Variants in PTPN4 observed in about 807,000 individuals in gnomAD.
PTPN4 encodes protein tyrosine phosphatase non-receptor type 4, also known as tyrosine-protein phosphatase non-receptor type 4.
Under a neutral mutation model 135.5 loss-of-function variants are expected in PTPN4, and 49 were observed. The ratio of observed to expected loss-of-function variants is 0.36; its 90% CI spans 0.29 to 0.46. The LOEUF is 0.46. Ranked by LOEUF, PTPN4 falls within the 20% of genes least tolerant of loss-of-function variation. The pLI, the probability that PTPN4 is intolerant of heterozygous loss-of-function variation, is 1.00. For synonymous variants in PTPN4, 333 were observed against 369.9 expected (o/e 0.90, Z 1.14); for missense variants, 860 against 1,101.0 (o/e 0.78, Z 3.10).
At chr2:119,913,560 C>T (rs897151860) in intron 10 of PTPN4, among the ~76,000 whole-genome samples, 1 of 152,108 alleles carries the variant, frequency 6.6e-6, no homozygotes, top group African/African-American at 2.4e-5. Context: ...GAGGCTGAGG[C>T]AGGAGGATCA....
chr2:119,877,324 G>C lies in PTPN4; in HGVS notation c.248G>C (p.Arg83Thr). 1 of 1,609,970 alleles carries C rather than the reference G, an allele frequency of 6.2e-7. No homozygotes were observed. The highest frequency in any genetic ancestry group is 8.5e-7 in the Non-Finnish European group (1 of 1,178,820). The change falls in exon 4 of 27, where the codon AGG (arginine) becomes ACG (threonine). Residue 83 changes from arginine to threonine, a missense_variant and splice_region_variant. Transcript: ENST00000263708. ...CAGTTTTATTTATTTATTTTTCAGA[G>C]GTGGCTGGATCCAAACAAACCAATA... is the stretch of plus-strand genomic sequence containing the variant. ...QLADDSTDNP[R>T]WLDPNKPIRK...
At chr2:119,882,467 T>C in intron 7 of PTPN4, 36 bp from the exon 8 acceptor site, 2 of 1,456,722 alleles carry the variant, frequency 1.4e-6, no homozygotes, top group Middle Eastern at 1.7e-4. Context: ...TAAAAATTTG[T>C]TTATTAAAAT....
At chr2:119,959,525 C>T (rs529665669) in intron 22 of PTPN4, among the ~76,000 whole-genome samples, 3 of 152,318 alleles carry the variant, frequency 2.0e-5, no homozygotes, top group African/African-American at 4.8e-5. Flanking sequence ...AGGATAGCTT[C>T]AGCCCAGGAG....
chr2:119,848,098 G>A (rs1481381441), intron 2 of PTPN4, among the ~76,000 whole-genome samples: 1 of 150,772 alleles, frequency 6.6e-6, no homozygotes, highest in Non-Finnish European at 1.5e-5. Context: ...TGAGCTTTTT[G>A]CATGAGTAGA....
chr2:119,834,292 T>A (rs944748454), intron 2 of PTPN4, among the ~76,000 whole-genome samples: 2 of 152,014 alleles, frequency 1.3e-5, no homozygotes, highest in African/African-American at 4.8e-5. Context: ...TCTCATCACC[T>A]CTCCCCAAAA....
chr2:119,842,623 G>A (rs975805761), intron 2 of PTPN4, among the ~76,000 whole-genome samples: 1 of 152,132 alleles, frequency 6.6e-6, no homozygotes, highest in Non-Finnish European at 1.5e-5. Context: ...GACGTGTAGA[G>A]TAGGGTTTTG....
chr2:119,869,347 A>G (rs1677876938), intron 3 of PTPN4, among the ~76,000 whole-genome samples: 1 of 152,218 alleles, frequency 6.6e-6, no homozygotes, highest in African/African-American at 2.4e-5. Context: ...TTTAAACTGC[A>G]TATTGCAAAT....
chr2:119,862,730 T>G, intron 3 of PTPN4, 87 bp downstream of exon 3: 1 of 1,058,382 alleles, frequency 9.4e-7, no homozygotes, highest in African/African-American at 1.6e-5. Flanking sequence ...CAGTGTTCAC[T>G]GATTTGATGA....
rs1679645993 is a variant in PTPN4, at chr2:119,978,265, A to G, written c.*1195A>G. ...GCTAAAGTTAGAGCAAATAATTGTGATTTATTCATGTCCATAACTAAAATA... is the reference window on the plus strand; with the variant it reads ...GCTAAAGTTAGAGCAAATAATTGTGGTTTATTCATGTCCATAACTAAAATA... On this transcript the variant is annotated 3_prime_UTR_variant, in exon 27 of 27. Transcript: ENST00000263708. 6.6e-6 allele frequency: 1 copy of G among 152,192 alleles called. No homozygotes were observed. The highest frequency in any genetic ancestry group is 1.5e-5 in the Non-Finnish European group (1 of 68,022). 9.4% of individuals were successfully genotyped at this position (152,192 alleles called of 1,614,324 possible). A position where few individuals can be genotyped will look rare whatever the true frequency, so the allele number is the denominator to read the frequency against.
At position 119,978,852 on chromosome 2, in the gene PTPN4, A is replaced by AATAACT. The variant is rs1179506291; in HGVS notation, c.*1782_*1783insATAACT. 1.3e-5 allele frequency: 2 copies of AATAACT among 152,086 alleles called. No homozygotes were observed. Among genetic ancestry groups the AATAACT allele is most frequent in the African/African-American group, 4.8e-5 (2 of 41,446 alleles). 9.4% of individuals were successfully genotyped at this position (152,086 alleles called of 1,614,324 possible). ...TATAATCTAAACGATGTCATTTCAG[A>AATAACT]CATTCAAAACTCATAATAATAAATT... On this transcript the variant is annotated 3_prime_UTR_variant, in exon 27 of 27. Coordinates refer to ENST00000263708, the MANE Select transcript of PTPN4 (RefSeq NM_002830.4).
chr2:119,960,055 ATATGTT>A (rs1482771098), intron 22 of PTPN4, among the ~76,000 whole-genome samples: 2 of 152,152 alleles, frequency 1.3e-5, no homozygotes, highest in Non-Finnish European at 2.9e-5. Flanking sequence ...GAAGTTGCAT[ATATGTT>A]TATATGTTGT....
intron 9 of PTPN4, among the ~76,000 whole-genome samples, chr2:119,890,509 A>G (rs2105008323): frequency 6.6e-6 from 1 of 152,260 alleles, no homozygotes; most frequent in East Asian, 1.9e-4. Flanking sequence ...ATCTATTTAC[A>G]TTCAAAGTTA....
rs375180881 is a variant in PTPN4, at chr2:119,965,649, C to T, written c.2558+4C>T. 1.8e-5 allele frequency: 29 copies of T among 1,611,028 alleles called. No homozygotes were observed. The African/African-American group carries it at 3.7e-4, about 21-fold the overall frequency. On this transcript the variant is annotated splice_donor_region_variant and intron_variant, in intron 25 of 26. Coordinates refer to ENST00000263708, the MANE Select transcript of PTPN4 (RefSeq NM_002830.4). The stretch of plus-strand genomic sequence containing the variant: ...AACCCGTTGTTGTCCATTGCAGGTA[C>T]TCTGTTTTCCGTCTTTTATGAGTGT...
At chr2:119,862,707 C>T (rs1037801076) in intron 3 of PTPN4, 64 bp downstream of exon 3, 2 of 1,351,198 alleles carry the variant, frequency 1.5e-6, no homozygotes, top group Non-Finnish European at 2.1e-6. Flanking sequence ...TGTAGAAAGT[C>T]CTTTCTGATT....
At chr2:119,894,091 C>CT (rs529591432) in intron 9 of PTPN4, among the ~76,000 whole-genome samples, 176 of 152,294 alleles carry the variant, frequency 1.2e-3, no homozygotes, top group African/African-American at 4.0e-3. Flanking sequence ...ATTATCTCCA[C>CT]TTTACAGATG....
chr2:119,843,223 T>TC (rs1262420087), intron 2 of PTPN4, among the ~76,000 whole-genome samples: 5 of 144,908 alleles, frequency 3.5e-5, no homozygotes, highest in African/African-American at 1.3e-4. Context: ...TTTTTCTTTT[T>TC]TTTTTTTTTT....
At position 119,802,975 on chromosome 2, in the gene PTPN4, C is replaced by G. The variant is rs1234435350; in HGVS notation, c.-17-6862C>G. Among the ~76,000 whole-genome samples, 8 of 152,050 alleles carry G rather than the reference C, an allele frequency of 5.3e-5. No homozygotes were observed. In the East Asian group the frequency reaches 1.5e-3, roughly 29 times the overall value. ...TTCATGGAATTGGTTCTTTTTATGT[C>G]AAATTGATGTATAAGTTGTTTGTAG... On this transcript the variant is annotated intron_variant, in intron 1 of 26. Transcript: ENST00000263708.
chr2:119,919,823 C>CAAA (rs768606079), intron 11 of PTPN4, among the ~76,000 whole-genome samples: 22 of 64,676 alleles, frequency 3.4e-4, no homozygotes, highest in African/African-American at 4.3e-4. Flanking sequence ...GACTGTGTCT[C>CAAA]AAAAAAAAAA....
chr2:119,973,328 A>G (rs916034481), intron 26 of PTPN4, among the ~76,000 whole-genome samples: 12 of 152,170 alleles, frequency 7.9e-5, no homozygotes, highest in Admixed American at 7.2e-4. Flanking sequence ...TTGTAGCGTA[A>G]GTCAGAATTT....
Sources: allele counts gnomAD v4.1 joint callset (sites outside exome capture counted in the v4.1 genomes callset), GRCh38; gene constraint gnomAD v4.1.1; transcripts MANE v1.5; gene names NCBI Gene and HGNC (gene_info 2026-07-23, HGNC 2026-07-21).